The following GIT2 variants were observed in gnomAD, a reference collection of about 807,000 sequenced individuals.
GIT2 encodes ARF GTPase-activating protein GIT2.
GIT2 carries 32 observed loss-of-function variants against 100.3 expected under a neutral mutation model. That is an observed-to-expected ratio of 0.32 (90% CI 0.24 to 0.43). The LOEUF is 0.43. GIT2 is among the 20% of genes least tolerant of loss of function. GIT2 has a pLI of 1.00. For missense variants in GIT2, 737 were observed against 975.1 expected (o/e 0.76, Z 3.25); for synonymous variants, 353 against 364.1 (o/e 0.97, Z 0.35).
In GIT2 at chr12:109,969,261, G is replaced by A. The variant is rs1356596737; in HGVS notation, c.719-1758C>T. On this transcript the variant is annotated intron_variant, in intron 7 of 19. Transcript: ENST00000355312. ...TGGCTCATTGCAACCTCTGCCTCCC[G>A]GGTTCAAGCAATTCTCCTGCCTCAG... is the stretch of plus-strand genomic sequence containing the variant. Among the ~76,000 whole-genome samples the A allele has an allele frequency of 4.1e-5, 6 of 147,842 alleles. 1 individual carries two copies. The highest frequency in any genetic ancestry group is 6.8e-5 in the Admixed American group (1 of 14,648).
At chr12:109,951,063 C>A in intron 14 of GIT2, 104 bp downstream of exon 14, 1 of 976,208 alleles carries the variant, frequency 1.0e-6, no homozygotes, top group Non-Finnish European at 1.6e-6. Flanking sequence ...AAGGCTGTTA[C>A]AATAACTGTT....
At chr12:109,945,448 T>C in intron 15 of GIT2, 99 bp from the exon 16 acceptor site, 1 of 702,380 alleles carries the variant, frequency 1.4e-6, no homozygotes, top group South Asian at 1.5e-5. Flanking sequence ...ACACCACACA[T>C]TATGTGACGT....
upstream of GIT2, chr12:109,999,755 C>T (rs200379593): frequency 6.5e-7 from 1 of 1,531,794 alleles, no homozygotes; most frequent in Non-Finnish European, 8.8e-7. The surrounding 1 kb of genome is among the most constrained non-coding windows in gnomAD (Gnocchi z 4.3). Flanking sequence ...AAACGACTAC[C>T]GGCAGCTCGA....
chr12:109,978,599 T>C (rs1227023202), intron 7 of GIT2, among the ~76,000 whole-genome samples: 3 of 152,200 alleles, frequency 2.0e-5, no homozygotes, highest in Non-Finnish European at 2.9e-5. Context: ...TTTCAATTCA[T>C]TGACTTTCTT....
In GIT2 at chr12:109,943,336, CT is replaced by C. The variant is rs60594394; in HGVS notation, c.1731+1923del. Among the ~76,000 whole-genome samples, 34 of 147,894 alleles carry C rather than the reference CT, an allele frequency of 2.3e-4. 1 individual carries two copies. Among genetic ancestry groups the C allele is most frequent in the Middle Eastern group, 3.5e-3 (1 of 282 alleles). ...TTCAATTTCAGAACTGCTCAGGAGA[CT>C]TTTTTTTTTTAAGACAATCTCACTC... is the stretch of plus-strand genomic sequence containing the variant. On this transcript the variant is annotated intron_variant, in intron 16 of 19. Coordinates refer to ENST00000355312, the MANE Select transcript of GIT2 (RefSeq NM_057169.5).
chr12:109,932,912 T>C lies in GIT2; in HGVS notation c.*66A>G. 2 of 881,280 alleles carry C rather than the reference T, an allele frequency of 2.3e-6. No individual in the cohort carries two copies. Among genetic ancestry groups the C allele is most frequent in the South Asian group, 1.3e-5 (1 of 74,790 alleles). The allele number at this position is 881,280 out of a possible 1,614,324, so 54.6% of individuals were successfully genotyped here. ...CTTTTTGTAGAAATCTGAAGAGTTC[T>C]GCGTCTGAATTTGAAATTGGACTTT... On this transcript the variant is annotated 3_prime_UTR_variant, in exon 20 of 20. Transcript: ENST00000355312.
In GIT2 at chr12:109,933,136, A is replaced by C. The variant is rs1012001100; in HGVS notation, c.2122T>G (p.Tyr708Asp). The C allele has an allele frequency of 6.9e-6, 11 of 1,604,924 alleles. No homozygotes were observed. The Middle Eastern group carries it at 6.6e-4, about 96-fold the overall frequency. Residue 708 changes from tyrosine to aspartate, a missense_variant, in exon 20 of 20, where the codon TAC becomes GAC. Coordinates refer to ENST00000355312, the MANE Select transcript of GIT2 (RefSeq NM_057169.5). The surrounding 1 kb of genome is among the most constrained non-coding windows in gnomAD (Gnocchi z 4.5). ...TSLRLLTSSA[Y>D]RLQSECKKTL... The stretch of plus-strand genomic sequence containing the variant: ...TTCTTGCACTCTGACTGCAGTCGGT[A>C]GGCACTGGACGTCAGTAAACGAAGG...
chr12:109,966,942 G>A (rs1441783480), intron 8 of GIT2, among the ~76,000 whole-genome samples: 1 of 152,092 alleles, frequency 6.6e-6, no homozygotes, highest in Non-Finnish European at 1.5e-5. Flanking sequence ...ATTTCATAAC[G>A]TGAAAACTAT....
At chr12:109,975,754 T>C (rs1884876218) in intron 7 of GIT2, among the ~76,000 whole-genome samples, 1 of 150,960 alleles carries the variant, frequency 6.6e-6, no homozygotes, top group South Asian at 2.1e-4. Flanking sequence ...GCATTTTTGA[T>C]CACATATCTT....
At chr12:109,971,450 C>T (rs1045913409) in intron 7 of GIT2, among the ~76,000 whole-genome samples, 1 of 151,786 alleles carries the variant, frequency 6.6e-6, no homozygotes, top group Non-Finnish European at 1.5e-5. Context: ...CTCAGCCTCC[C>T]GAATAGCTGG....
Position 109,953,085 on chromosome 12 carries a change from C to G in GIT2, c.1242+7G>C. ...CTTGCCCTTCCATGGGACGCATGGC[C>G]TCTCACCTTCTGCCGGTTTGTTTTG... is the stretch of plus-strand genomic sequence containing the variant. On this transcript the variant is annotated splice_region_variant and intron_variant, in intron 13 of 19. Coordinates refer to ENST00000355312, the MANE Select transcript of GIT2 (RefSeq NM_057169.5). 2 of 1,613,512 alleles carry G rather than the reference C, an allele frequency of 1.2e-6. No homozygotes were observed. The highest frequency in any genetic ancestry group is 1.7e-6 in the Non-Finnish European group (2 of 1,179,520).
At chr12:109,959,816 A>C (rs749861756) in intron 12 of GIT2, 31 bp downstream of exon 12, 3 of 1,341,356 alleles carry the variant, frequency 2.2e-6, no homozygotes, top group Non-Finnish European at 3.2e-6. Context: ...AGGGCCAAAA[A>C]ATGCAAGTGT....
rs754246516 is a variant in GIT2, at chr12:109,938,462, C to T, written c.1921G>A (p.Glu641Lys). The T allele has an allele frequency of 5.6e-6, 9 of 1,613,968 alleles. No homozygotes were observed. The highest frequency in any genetic ancestry group is 2.2e-5 in the South Asian group (2 of 91,086). ...VAPSPTLPST[E>K]DVIRKTEQIT... ...TGTTCAGTCTTCCTGATGACATCTT[C>T]GGTGCTAGGGAGAGTGGGGCTTGGG... The change falls in exon 18 of 20, where the codon GAA becomes AAA. Residue 641 changes from glutamate to lysine, a missense_variant. Around this residue, in one of 3 missense-constraint regions of GIT2, gnomAD observed 451 missense variants for 543.7 expected, o/e 0.83. Coordinates refer to ENST00000355312, the MANE Select transcript of GIT2 (RefSeq NM_057169.5).
intron 16 of GIT2, among the ~76,000 whole-genome samples, chr12:109,943,533 C>T (rs1875367120): frequency 6.6e-6 from 1 of 152,178 alleles, no homozygotes; most frequent in Non-Finnish European, 1.5e-5. Flanking sequence ...CAGGTTTTGC[C>T]ATGTTGGCCA....
intron 3 of GIT2, among the ~76,000 whole-genome samples, chr12:109,989,273 T>C (rs1192091087): frequency 1.3e-5 from 2 of 152,210 alleles, no homozygotes; most frequent in African/African-American, 4.8e-5. Context: ...CCAGAGTACC[T>C]GCTTTTTATA....
At chr12:109,964,378 G>A (rs1464883684) in intron 9 of GIT2, among the ~76,000 whole-genome samples, 1 of 152,040 alleles carries the variant, frequency 6.6e-6, no homozygotes, top group Non-Finnish European at 1.5e-5. Context: ...TTAATACTGA[G>A]TATTATATGA....
chr12:109,952,786 C>T, intron 13 of GIT2: 1 of 469,978 alleles, frequency 2.1e-6, no homozygotes. Context: ...CTCTCCTAGG[C>T]AATGAGAGCC....
chr12:109,972,293 T>C lies in GIT2; in HGVS notation c.719-4790A>G, dbSNP rs553296781. ...CCAATTTGAAAGCAAACACAGTCTT[T>C]CATCATTAAATAGATACTGTTTATC... is the stretch of plus-strand genomic sequence containing the variant. On this transcript the variant is annotated intron_variant, in intron 7 of 19. Coordinates refer to ENST00000355312, the MANE Select transcript of GIT2 (RefSeq NM_057169.5). Among the ~76,000 whole-genome samples the C allele has an allele frequency of 9.9e-5, 15 of 152,270 alleles. No homozygotes were observed. The East Asian group carries it at 2.9e-3, about 29-fold the overall frequency.
intron 8 of GIT2, among the ~76,000 whole-genome samples, chr12:109,966,572 G>A (rs182704080): frequency 8.0e-4 from 121 of 151,426 alleles, no homozygotes; most frequent in Admixed American, 2.0e-3. Flanking sequence ...TGCTCATAGG[G>A]AGGCCAGGGC....
Sources: allele counts gnomAD v4.1 joint callset (sites outside exome capture counted in the v4.1 genomes callset), GRCh38; gene constraint gnomAD v4.1.1; regional missense constraint gnomAD v4.1.1; non-coding constraint Gnocchi (gnomAD v3.1); transcripts MANE v1.5; gene names NCBI Gene and HGNC (gene_info 2026-07-23, HGNC 2026-07-21).